Variants in APBA1 observed in about 807,000 individuals in gnomAD.
The protein encoded by APBA1 is amyloid beta precursor protein binding family A member 1, also known as amyloid-beta A4 precursor protein-binding family A member 1.
APBA1 carries 55 observed loss-of-function variants against 86.6 expected under a neutral mutation model. The observed-to-expected ratio is 0.64, with a 90% CI of 0.51 to 0.80. APBA1 has a LOEUF of 0.80. APBA1 is among the 30% of genes least tolerant of loss of function. The pLI is 0.00. For synonymous variants in APBA1, 511 were observed against 493.9 expected (o/e 1.03, Z -0.46); for missense variants, 1,090 against 1,183.0 (o/e 0.92, Z 1.15).
At chr9:69,471,747 A>T in intron 3 of APBA1, 52 bp from the exon 4 acceptor site, 1 of 1,386,368 alleles carries the variant, frequency 7.2e-7, no homozygotes, top group Non-Finnish European at 1.0e-6. Context: ...ATGAAATATG[A>T]ATTAACACAA....
intron 2 of APBA1, among the ~76,000 whole-genome samples, chr9:69,497,884 C>T (rs770780944): frequency 3.9e-5 from 6 of 152,086 alleles, no homozygotes; most frequent in Admixed American, 6.5e-5. Context: ...CCCAGGAGTT[C>T]GGAATGGTTG....
chr9:69,558,561 C>CATATATATAT (rs371494520), intron 1 of APBA1, among the ~76,000 whole-genome samples: 5 of 142,818 alleles, frequency 3.5e-5, no homozygotes, highest in African/African-American at 1.4e-4. Flanking sequence ...CACACACACA[C>CATATATATAT]ATATATATAT....
At position 69,475,542 on chromosome 9, in the gene APBA1, G is replaced by C. The variant is rs56800612; in HGVS notation, c.1296+506C>G. ...AGGTGTGAACTGGAACCACACCCTA[G>C]GTAAACTGGGAATGTATGGCCACTC... On this transcript the variant is annotated intron_variant, in intron 3 of 12. Transcript: ENST00000265381. Among the ~76,000 whole-genome samples, 1,433 of 152,280 alleles carry C rather than the reference G, an allele frequency of 9.4e-3. 17 individuals carry two copies. Among genetic ancestry groups the C allele is most frequent in the African/African-American group, 0.032 (1,349 of 41,558 alleles).
At position 69,529,243 on chromosome 9, in the gene APBA1, A is replaced by C. The variant is rs545660670; in HGVS notation, c.-69-11964T>G. ...ATGCTAGGGCTATACTAAATGATTA[A>C]AAGCAGCCACATTCAGGAAGGCTCA... On this transcript the variant is annotated intron_variant, in intron 1 of 12. Transcript: ENST00000265381. 2.0e-5 allele frequency among the ~76,000 whole-genome samples: 3 copies of C among 152,206 alleles called. No homozygotes were observed. The East Asian group carries it at 5.8e-4, about 29-fold the overall frequency.
intron 5 of APBA1, among the ~76,000 whole-genome samples, chr9:69,459,175 CT>C (rs1272541070): frequency 6.6e-6 from 1 of 152,248 alleles, no homozygotes. Flanking sequence ...GTATGTCAAT[CT>C]TTTGAAATAT....
Position 69,432,466 on chromosome 9 carries a change from C to T in APBA1, c.2442+70G>A, listed in dbSNP as rs149268084. The T allele has an allele frequency of 1.9e-4, 260 of 1,395,460 alleles. No homozygotes were observed. The African/African-American group carries it at 3.2e-3, about 17-fold the overall frequency. The allele number at this position is 1,395,460 out of a possible 1,614,324, so 86.4% of individuals were successfully genotyped here. A position where few individuals can be genotyped will look rare whatever the true frequency, so the allele number is the denominator to read the frequency against. ...TTCCTGGAAGGTCTGCTCAGGGCCA[C>T]GGTGAGCATACGAGGCAGGGGCACC... On this transcript the variant is annotated intron_variant, in intron 12 of 12. Transcript: ENST00000265381.
chr9:69,669,305 A>G (rs1823901214), intron 1 of APBA1, among the ~76,000 whole-genome samples: 2 of 152,182 alleles, frequency 1.3e-5, no homozygotes, highest in Non-Finnish European at 2.9e-5. Context: ...CCCAGAGGTC[A>G]ATTTTCAAAT....
chr9:69,580,579 T>C (rs895639353), intron 1 of APBA1, among the ~76,000 whole-genome samples: 1 of 152,138 alleles, frequency 6.6e-6, no homozygotes. Context: ...GCCCTAAATA[T>C]CTCCTCATGG....
chr9:69,633,145 T>C (rs1466331167), intron 1 of APBA1, among the ~76,000 whole-genome samples: 2 of 151,868 alleles, frequency 1.3e-5, no homozygotes, highest in East Asian at 3.9e-4. Flanking sequence ...TTTTTATTTT[T>C]TTATTATTTT....
At chr9:69,500,117 T>C (rs1835859424) in intron 2 of APBA1, among the ~76,000 whole-genome samples, 1 of 151,988 alleles carries the variant, frequency 6.6e-6, no homozygotes. Flanking sequence ...CTGCTTAAGG[T>C]GGAAGCTGAG....
chr9:69,432,867 G>A (rs867457215), intron 11 of APBA1, among the ~76,000 whole-genome samples, 191 bp from the exon 12 acceptor site: 1 of 152,194 alleles, frequency 6.6e-6, no homozygotes, highest in African/African-American at 2.4e-5. Context: ...TGGCCACCTT[G>A]TTCATGCGGC....
intron 10 of APBA1, among the ~76,000 whole-genome samples, chr9:69,446,479 T>C (rs1485936234): frequency 6.6e-6 from 1 of 152,234 alleles, no homozygotes; most frequent in Non-Finnish European, 1.5e-5. Context: ...TCTGGTTCTA[T>C]AGAGATTACA....
chr9:69,561,127 A>C (rs1022777168), intron 1 of APBA1, among the ~76,000 whole-genome samples: 1 of 152,222 alleles, frequency 6.6e-6, no homozygotes, highest in African/African-American at 2.4e-5. Flanking sequence ...TTTGGTGAAA[A>C]TCCTTGAAAG....
intron 1 of APBA1, among the ~76,000 whole-genome samples, chr9:69,618,056 T>C (rs1403249120): frequency 6.6e-6 from 1 of 152,222 alleles, no homozygotes; most frequent in Non-Finnish European, 1.5e-5. Context: ...CCTGGAATAC[T>C]GTGTAGGAAC....
At chr9:69,668,625 C>G (rs146333888) in intron 1 of APBA1, among the ~76,000 whole-genome samples, 1 of 152,326 alleles carries the variant, frequency 6.6e-6, no homozygotes, top group East Asian at 1.9e-4. Flanking sequence ...CCAGTCCTTA[C>G]TGAACAAAAT....
chr9:69,505,423 T>G (rs1835943093), intron 2 of APBA1, among the ~76,000 whole-genome samples: 1 of 152,030 alleles, frequency 6.6e-6, no homozygotes, highest in Non-Finnish European at 1.5e-5. Context: ...GAACTGGAAA[T>G]CCTGGGGCAC....
chr9:69,559,244 G>T (rs531890468), intron 1 of APBA1, among the ~76,000 whole-genome samples: 10 of 152,020 alleles, frequency 6.6e-5, no homozygotes, highest in Admixed American at 2.6e-4. Flanking sequence ...TATTCTTTCT[G>T]GGGGGTAGGT....
chr9:69,521,202 C>G (rs1399155529), intron 1 of APBA1, among the ~76,000 whole-genome samples: 11 of 152,178 alleles, frequency 7.2e-5, no homozygotes, highest in Admixed American at 6.5e-5. Context: ...TCTTTGCACT[C>G]TAGCTCTGGG....
At chr9:69,590,087 G>A (rs1379539445) in intron 1 of APBA1, among the ~76,000 whole-genome samples, 2 of 152,090 alleles carry the variant, frequency 1.3e-5, no homozygotes, top group African/African-American at 2.4e-5. Flanking sequence ...CAGCACTCCT[G>A]GGATGGTCCA....
Sources: allele counts gnomAD v4.1 joint callset (sites outside exome capture counted in the v4.1 genomes callset), GRCh38; gene constraint gnomAD v4.1.1; transcripts MANE v1.5; gene names NCBI Gene and HGNC (gene_info 2026-07-23, HGNC 2026-07-21).